Variants in GPHN observed in about 807,000 individuals in gnomAD.
The protein encoded by GPHN is gephyrin.
In GPHN, 17 loss-of-function variants were observed where a neutral mutation model predicts 95.5. The observed-to-expected ratio is 0.18, with a 90% CI of 0.12 to 0.27. The LOEUF (loss-of-function observed/expected upper bound fraction) is 0.27. Among genes scored for constraint, GPHN ranks in the 10% least tolerant of loss-of-function variants. The probability of loss-of-function intolerance (pLI) is 1.00; values close to 1 mark genes in which losing one functional copy is unlikely to be tolerated. For synonymous variants in GPHN, 320 were observed against 322.5 expected (o/e 0.99, Z 0.08); for missense variants, 660 against 978.1 (o/e 0.67, Z 4.34).
chr14:66,919,968 G>A (rs142092396), intron 6 of GPHN, among the ~76,000 whole-genome samples: 1,830 of 152,282 alleles, frequency 0.012, 19 homozygotes, highest in Non-Finnish European at 0.018. Flanking sequence ...TCAGGACGCT[G>A]AGGCAGAGAA....
chr14:67,723,921 C>A, the GPHN span, among the ~76,000 whole-genome samples: 2 of 152,176 alleles, frequency 1.3e-5, no homozygotes, highest in African/African-American at 4.8e-5. Flanking sequence ...AATACAATGG[C>A]TGAAAGCCTC....
chr14:67,443,150 G>A, the GPHN span, among the ~76,000 whole-genome samples: 2 of 152,118 alleles, frequency 1.3e-5, no homozygotes, highest in African/African-American at 2.4e-5. Flanking sequence ...GAGCCCAGGA[G>A]GCAGAGGATA....
the GPHN span, among the ~76,000 whole-genome samples, chr14:67,440,567 C>G: frequency 6.6e-6 from 1 of 152,178 alleles, no homozygotes; most frequent in South Asian, 2.1e-4. Context: ...GCCTGGCCAA[C>G]AGGGTGAAAA....
intron 4 of GPHN, among the ~76,000 whole-genome samples, chr14:66,859,188 T>C (rs2062924629): frequency 6.6e-6 from 1 of 152,160 alleles, no homozygotes; most frequent in Non-Finnish European, 1.5e-5. Flanking sequence ...GTGGTTACAG[T>C]AGGCCTTGGG....
chr14:66,939,571 G>A (rs1431099920), intron 8 of GPHN, among the ~76,000 whole-genome samples: 1 of 152,012 alleles, frequency 6.6e-6, no homozygotes, highest in African/African-American at 2.4e-5. Context: ...GCAAGCTGAA[G>A]ACCCCAGGCT....
chr14:67,231,177 T>A, the GPHN span, among the ~76,000 whole-genome samples: 1,770 of 152,314 alleles, frequency 0.012, 38 homozygotes, highest in African/African-American at 0.039. Flanking sequence ...GTTGGTTACA[T>A]GCTATATAAT....
intron 1 of GPHN, among the ~76,000 whole-genome samples, chr14:66,555,667 C>A (rs1046172732): frequency 3.9e-5 from 6 of 151,978 alleles, no homozygotes; most frequent in Non-Finnish European, 7.4e-5. Flanking sequence ...ATCCCCTAAC[C>A]TTTAGGTTTG....
chr14:66,996,216 G>A, intron 9 of GPHN: 1 of 1,525,442 alleles, frequency 6.6e-7, no homozygotes, highest in Non-Finnish European at 8.8e-7. Context: ...TAGTGTATCT[G>A]AGGTATATTT....
the GPHN span, among the ~76,000 whole-genome samples, chr14:67,644,501 C>T: frequency 6.6e-6 from 1 of 152,190 alleles, no homozygotes; most frequent in Non-Finnish European, 1.5e-5. Context: ...GAATAGCTGT[C>T]TCATGCTATA....
the GPHN span, chr14:67,279,003 C>A: frequency 1.7e-6 from 1 of 599,182 alleles, no homozygotes; most frequent in Non-Finnish European, 2.6e-6. Flanking sequence ...TTTTCCCCCC[C>A]ATCTTTCCCC....
intron 16 of GPHN, among the ~76,000 whole-genome samples, chr14:67,114,197 A>G (rs567417046): frequency 1.1e-4 from 16 of 152,202 alleles, no homozygotes; most frequent in Non-Finnish European, 1.9e-4. Flanking sequence ...TCCAAAAACT[A>G]TTGATTGACA....
the GPHN span, among the ~76,000 whole-genome samples, chr14:67,377,125 C>T: frequency 5.3e-5 from 8 of 152,166 alleles, no homozygotes; most frequent in African/African-American, 1.2e-4. Flanking sequence ...CCTGTCTTTT[C>T]GCCATTTCCT....
At chr14:66,672,751 A>G (rs560482426) in intron 1 of GPHN, among the ~76,000 whole-genome samples, 3 of 152,340 alleles carry the variant, frequency 2.0e-5, no homozygotes, top group African/African-American at 7.2e-5. Context: ...CAGTGTTAGC[A>G]TGGCATTTCT....
chr14:67,523,824 A>G, the GPHN span, among the ~76,000 whole-genome samples: 21 of 152,176 alleles, frequency 1.4e-4, no homozygotes, highest in Admixed American at 2.0e-4. Flanking sequence ...AGGGGAAACA[A>G]TATCTTTGGA....
At chr14:67,218,608 C>A in the GPHN span, among the ~76,000 whole-genome samples, 794 of 152,226 alleles carry the variant, frequency 5.2e-3, 3 homozygotes, top group Middle Eastern at 0.037. Context: ...TCAGGAGCAA[C>A]CTGCAGGACT....
intron 11 of GPHN, among the ~76,000 whole-genome samples, chr14:67,059,514 A>G (rs1239991593): frequency 6.6e-6 from 1 of 152,220 alleles, no homozygotes; most frequent in Admixed American, 6.5e-5. Flanking sequence ...TTTTATAAAT[A>G]AAAAACTTTA....
the GPHN span, among the ~76,000 whole-genome samples, chr14:67,521,798 C>T: frequency 6.6e-6 from 1 of 152,164 alleles, no homozygotes; most frequent in African/African-American, 2.4e-5. Context: ...AATAAGAGCA[C>T]ACATTGAAAC....
rs138896603 is a variant in GPHN at position 67,139,430 on chromosome 14, G to A, written c.1749-3932G>A. Reference sequence around the variant, plus strand: ...TCTCTTTCTGATGATTCTGGACAAGGGTCCGTTCTCATTAGACTCTTTCTT... The same window carrying A: ...TCTCTTTCTGATGATTCTGGACAAGAGTCCGTTCTCATTAGACTCTTTCTT... On this transcript the variant is annotated intron_variant, in intron 17 of 22. Coordinates refer to ENST00000478722, the MANE Select transcript of GPHN (RefSeq NM_020806.5). Among the ~76,000 whole-genome samples the A allele has an allele frequency of 5.9e-5, 9 of 152,124 alleles. No homozygotes were observed. The East Asian group carries it at 1.7e-3, about 29-fold the overall frequency.
chr14:67,323,988 CT>C, the GPHN span, among the ~76,000 whole-genome samples: 1 of 152,186 alleles, frequency 6.6e-6, no homozygotes, highest in Non-Finnish European at 1.5e-5. Context: ...ACTATGGCAG[CT>C]TTCCAAAGTT....
Sources: gnomAD v4.1 joint callset for allele counts (sites outside exome capture counted in the v4.1 genomes callset) on GRCh38, gnomAD v4.1.1 for gene constraint, MANE v1.5 for transcripts, NCBI Gene and HGNC (gene_info 2026-07-23, HGNC 2026-07-21) for gene names.